The following RELL1 variants were observed in gnomAD, a reference collection of about 807,000 sequenced individuals.
The protein encoded by RELL1 is RELT like 1.
In RELL1, 10 loss-of-function variants were observed where a neutral mutation model predicts 23.0. That is an observed-to-expected ratio of 0.43 (90% confidence interval 0.27 to 0.74). RELL1 has a LOEUF of 0.74. Among genes scored for constraint, RELL1 ranks in the 30% least tolerant of loss-of-function variants. The pLI is 0.19. For missense variants in RELL1, 315 were observed against 364.4 expected, an observed-to-expected ratio of 0.86 and a Z score of 1.10; for synonymous variants, 146 against 146.8, an observed-to-expected ratio of 0.99 and a Z score of 0.04.
At chr4:37,657,271 A>G (rs1006596403) in intron 1 of RELL1, among the ~76,000 whole-genome samples, 9 of 152,238 alleles carry the variant, frequency 5.9e-5, no homozygotes, top group Non-Finnish European at 1.3e-4. Context: ...CAGTTTTCCA[A>G]TGAAATGGAC....
chr4:37,665,075 T>G, intron 1 of RELL1: 1 of 364,788 alleles, frequency 2.7e-6, no homozygotes, highest in South Asian at 2.1e-5. Flanking sequence ...CAATGTTATA[T>G]GTGAAAGCAA....
At chr4:37,589,905 T>C (rs1718512020), downstream of RELL1, among the ~76,000 whole-genome samples, 1 of 152,260 alleles carries the variant, frequency 6.6e-6, no homozygotes, top group African/African-American at 2.4e-5. Flanking sequence ...TTGCTGAGAT[T>C]ACAGGCGTGA....
intron 1 of RELL1, among the ~76,000 whole-genome samples, chr4:37,651,024 C>T (rs958522753): frequency 4.2e-5 from 6 of 144,236 alleles, no homozygotes; most frequent in African/African-American, 1.6e-4. Context: ...TGCACCACTG[C>T]ACTTCAGCCT....
At chr4:37,638,548 A>T in intron 3 of RELL1, 44 bp from the exon 4 acceptor site, 1 of 1,390,240 alleles carries the variant, frequency 7.2e-7, no homozygotes, top group Non-Finnish European at 1.0e-6. Context: ...TAGAATGAAT[A>T]AGATGAGTAA....
intron 6 of RELL1, among the ~76,000 whole-genome samples, chr4:37,625,423 A>G (rs1026395159): frequency 1.3e-5 from 2 of 152,252 alleles, no homozygotes; most frequent in Non-Finnish European, 2.9e-5. Flanking sequence ...TGAAGAGATA[A>G]CTTATAAAAT....
downstream of RELL1, chr4:37,590,442 T>G (rs1718542546): frequency 6.2e-7 from 1 of 1,610,988 alleles, no homozygotes. Context: ...CTGCAAATAC[T>G]GTTCCCCCAA....
chr4:37,680,697 G>C (rs978273166), intron 1 of RELL1, among the ~76,000 whole-genome samples: 1 of 152,164 alleles, frequency 6.6e-6, no homozygotes. Context: ...GGGAGGCCGA[G>C]GCGGGCGGAT....
downstream of RELL1, among the ~76,000 whole-genome samples, chr4:37,605,803 GAAA>G (rs1719184007): frequency 1.1e-5 from 1 of 92,092 alleles, no homozygotes; most frequent in African/African-American, 3.7e-5. Context: ...GAGAAAGAAA[GAAA>G]GAAAGAAAGA....
intron 6 of RELL1, among the ~76,000 whole-genome samples, chr4:37,600,775 T>TTGTGCG (rs1718994315): frequency 1.8e-5 from 1 of 54,700 alleles, no homozygotes; most frequent in Non-Finnish European, 3.4e-5. Context: ...TAGTATGGAT[T>TTGTGCG]TGTGCGTGTG....
intron 4 of RELL1, 135 bp downstream of exon 4, chr4:37,638,312 A>G: frequency 1.4e-6 from 1 of 708,108 alleles, no homozygotes; most frequent in Non-Finnish European, 2.5e-6. Context: ...CACAGCAAAG[A>G]ACTACCTGGT....
chr4:37,636,280 G>T (rs980777781), intron 4 of RELL1, among the ~76,000 whole-genome samples: 6 of 152,034 alleles, frequency 3.9e-5, no homozygotes, highest in Admixed American at 6.6e-5. Flanking sequence ...AATATATTTG[G>T]CTAGACCATC....
rs1186865181 is a variant in RELL1 at position 37,604,776 on chromosome 4, G to GAC, written c.*4-13561_*4-13560dup. Reference sequence around the variant, plus strand: ...AAAACAAGAACCACACACACACACAGACACACACAGACACACACACAGACA... The same window carrying GAC: ...AAAACAAGAACCACACACACACACAGACACACACACAGACACACACACAGACA... On this transcript the variant is annotated intron_variant, in intron 6 of 6. Coordinates refer to the RELL1 transcript ENST00000314117. 4.1e-3 allele frequency among the ~76,000 whole-genome samples: 295 copies of GAC among 72,568 alleles called. 1 individual carries two copies. The highest frequency in any genetic ancestry group is 7.6e-3 in the Admixed American group (53 of 6,964). The allele number at this position is 72,568 out of a possible 152,430, so 47.6% of individuals were successfully genotyped here.
At chr4:37,655,181 T>C (rs181783614) in intron 1 of RELL1, among the ~76,000 whole-genome samples, 22 of 152,050 alleles carry the variant, frequency 1.4e-4, no homozygotes, top group African/African-American at 4.6e-4. Context: ...GTAATAAAAA[T>C]GACGTCCAAG....
chr4:37,639,845 C>T (rs1204510526), intron 3 of RELL1, among the ~76,000 whole-genome samples: 1 of 152,220 alleles, frequency 6.6e-6, no homozygotes, highest in Non-Finnish European at 1.5e-5. Context: ...AATGACTTTT[C>T]TAGAGAAGGA....
rs1553876277 is a variant in RELL1, at chr4:37,673,180, T to TTTC, written c.88+13019_88+13020insGAA. ...CCAAGCCATCAAGACTATATACTTTTTTTTTCTTTTTTTTTTTTTTTTTTT... is the reference window on the plus strand; with the variant it reads ...CCAAGCCATCAAGACTATATACTTTTTTCTTTTTCTTTTTTTTTTTTTTTTTTT... On this transcript the variant is annotated intron_variant, in intron 1 of 6. Transcript: ENST00000454158. Among the ~76,000 whole-genome samples the TTTC allele has an allele frequency of 3.5e-3, 328 of 93,806 alleles. 2 individuals are homozygous for TTTC. Among genetic ancestry groups the TTTC allele is most frequent in the African/African-American group, 0.012 (312 of 25,920 alleles). 61.5% of individuals were successfully genotyped at this position (93,806 alleles called of 152,430 possible). A position where few individuals can be genotyped will look rare whatever the true frequency, so the allele number is the denominator to read the frequency against.
chr4:37,665,114 T>C, intron 1 of RELL1: 1 of 384,544 alleles, frequency 2.6e-6, no homozygotes, highest in Non-Finnish European at 5.2e-6. Context: ...GGCTCCTGGG[T>C]AATCAATCAA....
At chr4:37,617,827 C>T (rs943376261) in intron 6 of RELL1, among the ~76,000 whole-genome samples, 1 of 152,130 alleles carries the variant, frequency 6.6e-6, no homozygotes, top group African/African-American at 2.4e-5. Flanking sequence ...TTTAAAATTA[C>T]AGAATCTGTT....
chr4:37,644,820 A>G (rs1425768573), intron 3 of RELL1, among the ~76,000 whole-genome samples: 1 of 152,076 alleles, frequency 6.6e-6, no homozygotes, highest in African/African-American at 2.4e-5. Flanking sequence ...CCCCAGCTAT[A>G]TACTGTCCCT....
intron 1 of RELL1, among the ~76,000 whole-genome samples, chr4:37,670,938 A>C (rs1721814221): frequency 1.3e-5 from 2 of 152,220 alleles, no homozygotes; most frequent in Non-Finnish European, 2.9e-5. Flanking sequence ...ATGCAATTTC[A>C]GAGAGATTAT....
Sources: allele counts gnomAD v4.1 joint callset (sites outside exome capture counted in the v4.1 genomes callset), GRCh38; gene constraint gnomAD v4.1.1; transcripts MANE v1.5; gene names NCBI Gene and HGNC (gene_info 2026-07-23, HGNC 2026-07-21).